Variants in RSU1 observed in about 807,000 individuals in gnomAD.
RSU1 encodes Ras suppressor protein 1.
Under a neutral mutation model 31.1 loss-of-function variants are expected in RSU1, and 26 were observed. That is an observed-to-expected ratio of 0.84 (90% confidence interval 0.61 to 1.16). The LOEUF is 1.16. Among genes scored for constraint, RSU1 ranks in the 50% most tolerant of loss-of-function variants. RSU1 has a pLI of 0.00. For synonymous variants in RSU1, 164 were observed against 136.3 expected (o/e 1.20, Z -1.41); for missense variants, 320 against 339.1 (o/e 0.94, Z 0.44).
chr10:16,695,618 G>A (rs1295718257), intron 7 of RSU1, among the ~76,000 whole-genome samples: 2 of 152,166 alleles, frequency 1.3e-5, no homozygotes, highest in African/African-American at 2.4e-5. Context: ...AAGCCAAACC[G>A]TTGTTACTCA....
chr10:16,607,046 A>C (rs1354038917), intron 8 of RSU1, among the ~76,000 whole-genome samples: 1 of 152,020 alleles, frequency 6.6e-6, no homozygotes, highest in Non-Finnish European at 1.5e-5. Flanking sequence ...TCAGTGTTGG[A>C]GGTGGTTGGA....
chr10:16,721,673 T>G (rs534547586), intron 7 of RSU1: 2 of 152,216 alleles, frequency 1.3e-5, no homozygotes, highest in African/African-American at 4.8e-5. Flanking sequence ...TGCATTGCAA[T>G]AGGCTTTTCT....
intron 2 of RSU1, among the ~76,000 whole-genome samples, chr10:16,815,218 A>G (rs1838503818): frequency 2.0e-5 from 3 of 152,256 alleles, no homozygotes; most frequent in African/African-American, 7.2e-5. Flanking sequence ...AATGCAAGAG[A>G]CCAACACACA....
intron 7 of RSU1, among the ~76,000 whole-genome samples, chr10:16,748,545 C>T (rs1036704750): frequency 2.0e-5 from 3 of 152,172 alleles, no homozygotes; most frequent in South Asian, 2.1e-4. Flanking sequence ...GTGATTAGGA[C>T]GGGAGCATCT....
intron 3 of RSU1, among the ~76,000 whole-genome samples, chr10:16,774,468 G>T (rs1305668852): frequency 6.6e-6 from 1 of 152,174 alleles, no homozygotes; most frequent in African/African-American, 2.4e-5. Flanking sequence ...TACTAGGGAG[G>T]CTGAGGCAGA....
intron 8 of RSU1, among the ~76,000 whole-genome samples, chr10:16,610,957 T>C (rs1833882744): frequency 6.6e-6 from 1 of 152,180 alleles, no homozygotes; most frequent in African/African-American, 2.4e-5. Context: ...TTGGAAAGGT[T>C]TTTAAGCCAA....
intron 7 of RSU1, among the ~76,000 whole-genome samples, chr10:16,736,192 C>A (rs1836622435): frequency 6.6e-6 from 1 of 152,112 alleles, no homozygotes; most frequent in South Asian, 2.1e-4. Context: ...CAAATATTAA[C>A]TACAATGTTC....
intron 8 of RSU1, among the ~76,000 whole-genome samples, chr10:16,676,758 C>G (rs1471562972): frequency 6.6e-6 from 1 of 152,148 alleles, no homozygotes; most frequent in Non-Finnish European, 1.5e-5. Context: ...ATTAGGGATA[C>G]TCAACCTGTA....
chr10:16,790,361 C>A (rs997273641), intron 2 of RSU1, among the ~76,000 whole-genome samples: 4 of 152,164 alleles, frequency 2.6e-5, no homozygotes, highest in African/African-American at 7.2e-5. Context: ...GGAGGATAAG[C>A]TACACGACCA....
At position 16,597,730 on chromosome 10, in the gene RSU1, G is replaced by T. The variant is rs550197827; in HGVS notation, c.732-4234C>A. On this transcript the variant is annotated intron_variant, in intron 8 of 8. Coordinates refer to ENST00000345264, the MANE Select transcript of RSU1 (RefSeq NM_012425.4). ...GCTGTTTCCCCTGCAAAATAACAGGGTATTTTCTATCAACACTAAATCCCC... is the reference window on the plus strand; with the variant it reads ...GCTGTTTCCCCTGCAAAATAACAGGTTATTTTCTATCAACACTAAATCCCC... Among the ~76,000 whole-genome samples the T allele has an allele frequency of 3.3e-5, 5 of 152,290 alleles. No individual in the cohort carries two copies. In the South Asian group the frequency reaches 6.2e-4, roughly 19 times the overall value.
Position 16,782,170 on chromosome 10 carries a change from CAA to C in RSU1, c.110-88_110-87del, listed in dbSNP as rs2131646540. ...ACCTGTACTCCTACAAAGCAAACGG[CAA>C]AGTTATTTTCACAGGTTGAAGCACT... On this transcript the variant is annotated intron_variant, in intron 2 of 8. Transcript: ENST00000345264. The C allele has an allele frequency of 3.8e-6, 4 of 1,061,008 alleles. No homozygotes were observed. The South Asian group carries it at 4.2e-5, about 11-fold the overall frequency. 65.7% of individuals were successfully genotyped at this position (1,061,008 alleles called of 1,614,324 possible). A position where few individuals can be genotyped will look rare whatever the true frequency, so the allele number is the denominator to read the frequency against.
intron 8 of RSU1, among the ~76,000 whole-genome samples, chr10:16,686,309 G>T (rs1835439333): frequency 6.6e-6 from 1 of 152,152 alleles, no homozygotes; most frequent in Non-Finnish European, 1.5e-5. Context: ...AGCAAATGCA[G>T]GCAATAATTC....
intron 8 of RSU1, among the ~76,000 whole-genome samples, chr10:16,676,616 T>G (rs1336978863): frequency 6.6e-6 from 1 of 152,178 alleles, no homozygotes; most frequent in Non-Finnish European, 1.5e-5. Flanking sequence ...GATTGACATA[T>G]TTGTACTCTA....
intron 8 of RSU1, among the ~76,000 whole-genome samples, chr10:16,601,748 T>C (rs1023412689): frequency 5.3e-5 from 8 of 152,180 alleles, no homozygotes; most frequent in Non-Finnish European, 1.2e-4. Context: ...TGTCCTCTCT[T>C]TCTGCACTAA....
chr10:16,612,625 G>GA (rs1833911535), intron 8 of RSU1, among the ~76,000 whole-genome samples: 2 of 152,314 alleles, frequency 1.3e-5, no homozygotes, highest in South Asian at 4.1e-4. Flanking sequence ...CAGTGAAAAT[G>GA]TCATTTGTTG....
intron 7 of RSU1, among the ~76,000 whole-genome samples, chr10:16,698,268 C>G (rs943469545): frequency 6.6e-6 from 1 of 151,944 alleles, no homozygotes; most frequent in Non-Finnish European, 1.5e-5. Context: ...TCCGCCGAGT[C>G]CCAAGCCTTG....
At chr10:16,728,590 C>T (rs1230322767) in intron 7 of RSU1, among the ~76,000 whole-genome samples, 1 of 152,118 alleles carries the variant, frequency 6.6e-6, no homozygotes, top group Admixed American at 6.6e-5. Flanking sequence ...GTGATGGCTC[C>T]CCAAATATAT....
At chr10:16,706,464 G>A (rs1421024951) in intron 7 of RSU1, among the ~76,000 whole-genome samples, 2 of 152,050 alleles carry the variant, frequency 1.3e-5, no homozygotes, top group Non-Finnish European at 2.9e-5. Context: ...TATTGTTGCT[G>A]CTGTTGAGTT....
At chr10:16,803,131 A>C (rs1475853796) in intron 2 of RSU1, among the ~76,000 whole-genome samples, 1 of 152,190 alleles carries the variant, frequency 6.6e-6, no homozygotes, top group African/African-American at 2.4e-5. Context: ...AGAAAATCCC[A>C]AAGAATCAAC....
Sources: gnomAD v4.1 joint callset for allele counts (sites outside exome capture counted in the v4.1 genomes callset) on GRCh38, gnomAD v4.1.1 for gene constraint, MANE v1.5 for transcripts, NCBI Gene and HGNC (gene_info 2026-07-23, HGNC 2026-07-21) for gene names.